Variants in DNAH17 observed in about 807,000 individuals in gnomAD.
DNAH17 encodes the protein dynein axonemal heavy chain 17.
In DNAH17, 376 loss-of-function variants were observed where a neutral mutation model predicts 485.6. That is an observed-to-expected ratio of 0.77 (90% confidence interval 0.71 to 0.84). DNAH17 has a LOEUF of 0.84. DNAH17 is among the 40% of genes least tolerant of loss of function. The pLI is 0.00. For synonymous variants in DNAH17, 3,031 were observed against 2,405.9 expected (o/e 1.26, Z -7.60); for missense variants, 6,370 against 5,839.3 (o/e 1.09, Z -2.96).
rs1305824074 is a variant in DNAH17, at chr17:78,494,665, T to A, written c.6198A>T (p.Val2066=). 1.1e-5 allele frequency: 18 copies of A among 1,613,824 alleles called. No individual in the cohort carries two copies. The highest frequency in any genetic ancestry group is 1.5e-5 in the Non-Finnish European group (18 of 1,179,898). ...IPKIVTDDLP[V]FMGLIGDLFP... ...AGAGGTCCCCGATCAGTCCCATGAA[T>A]ACGGGCAGGTCGTCTGTCACAATCT... The change falls in exon 40 of 81, where the codon GTA becomes GTT. Residue 2066 remains valine, a synonymous_variant. Coordinates refer to ENST00000389840, the MANE Select transcript of DNAH17 (RefSeq NM_173628.4).
chr17:78,447,371 G>A (rs570761046), intron 69 of DNAH17, among the ~76,000 whole-genome samples: 6 of 152,142 alleles, frequency 3.9e-5, no homozygotes, highest in Non-Finnish European at 8.8e-5. Context: ...CCATCTTGTC[G>A]CTTGTGCATG....
intron 56 of DNAH17, among the ~76,000 whole-genome samples, chr17:78,463,341 C>T (rs2088238006): frequency 1.3e-5 from 2 of 152,370 alleles, no homozygotes; most frequent in Admixed American, 6.5e-5. Flanking sequence ...CATACATGCA[C>T]ACACATGCAT....
Position 78,507,672 on chromosome 17 carries a change from T to C in DNAH17, c.4370A>G (p.Gln1457Arg), listed in dbSNP as rs1310986156. The C allele has an allele frequency of 6.2e-7, 1 of 1,613,392 alleles. No homozygotes were observed. The highest frequency in any genetic ancestry group is 1.1e-5 in the South Asian group (1 of 91,064). ...CAGGTACTTGGACATCATCAGGTTC[T>C]GCAGCTGCACCTGGTTGTCCTCCAG... The part of the protein sequence containing the change: ...ETLEDNQVQL[Q>R]NLMMSKYLAH... The change falls in exon 28 of 81, where the codon CAG becomes CGG. Residue 1457 changes from glutamine to arginine, a missense_variant. Transcript: ENST00000389840.
In DNAH17 at chr17:78,502,869, C is replaced by A. The variant is rs766440432; in HGVS notation, c.5082+17G>T. The A allele has an allele frequency of 3.1e-6, 5 of 1,610,010 alleles. No individual in the cohort carries two copies. The African/African-American group carries it at 6.7e-5, about 22-fold the overall frequency. ...TCTCAGCCACGAGGCGCCGCCGAGC[C>A]CCCACCCGCCTCAGACCTGGGCTGG... On this transcript the variant is annotated intron_variant, in intron 32 of 80. Coordinates refer to ENST00000389840, the MANE Select transcript of DNAH17 (RefSeq NM_173628.4).
intron 69 of DNAH17, among the ~76,000 whole-genome samples, chr17:78,446,802 C>A (rs1371530198): frequency 1.3e-5 from 2 of 152,146 alleles, no homozygotes; most frequent in Non-Finnish European, 2.9e-5. Flanking sequence ...TGCCACCATG[C>A]CCGGCTAATT....
Position 78,423,751 on chromosome 17 carries a change from C to CT in DNAH17, c.*154dup. On this transcript the variant is annotated 3_prime_UTR_variant, in exon 81 of 81. Coordinates refer to ENST00000389840, the MANE Select transcript of DNAH17 (RefSeq NM_173628.4). ...CACCTCTTCCACACCAACCTCCACC[C>CT]TCTGGTTCCGATGTGCTTGGTTACA... is the stretch of plus-strand genomic sequence containing the variant. 1.0e-6 allele frequency: 1 copy of CT among 990,838 alleles called. No homozygotes were observed. Among genetic ancestry groups the CT allele is most frequent in the Non-Finnish European group, 1.5e-6 (1 of 669,048 alleles). 61.4% of individuals were successfully genotyped at this position (990,838 alleles called of 1,614,324 possible).
intron 44 of DNAH17, among the ~76,000 whole-genome samples, chr17:78,488,702 T>G (rs1376751268): frequency 6.6e-6 from 1 of 152,126 alleles, no homozygotes; most frequent in Non-Finnish European, 1.5e-5. Context: ...GAAAGGGCAT[T>G]AGCAGATGTC....
chr17:78,565,045 A>G (rs1240112009), intron 11 of DNAH17, among the ~76,000 whole-genome samples: 3 of 152,192 alleles, frequency 2.0e-5, no homozygotes, highest in Admixed American at 1.3e-4. Context: ...GCTTCCAGCT[A>G]GAATCTTGAA....
chr17:78,452,371 C>A (rs901478044), intron 65 of DNAH17, among the ~76,000 whole-genome samples: 1 of 152,142 alleles, frequency 6.6e-6, no homozygotes, highest in South Asian at 2.1e-4. Flanking sequence ...CCCGGCCACA[C>A]GTGGAAAATG....
rs1390034574 is a variant in DNAH17, at chr17:78,524,992, G to A, written c.3864+17C>T. 3.1e-6 allele frequency: 5 copies of A among 1,594,336 alleles called. No homozygotes were observed. The Admixed American group carries it at 5.1e-5, about 16-fold the overall frequency. On this transcript the variant is annotated intron_variant, in intron 25 of 80. Transcript: ENST00000389840. ...CAGAATCCCGGGCCCCACCCACGCG[G>A]CGTGCCCTGCACTCACCACAACAAC...
chr17:78,470,199 G>A (rs938980558), intron 54 of DNAH17, among the ~76,000 whole-genome samples: 4 of 147,400 alleles, frequency 2.7e-5, no homozygotes, highest in African/African-American at 1.0e-4. Context: ...TCAGCCTCCT[G>A]AGAGATTACA....
chr17:78,465,291 T>G (rs589355), intron 56 of DNAH17, among the ~76,000 whole-genome samples: 102,173 of 150,768 alleles, frequency 0.68, 36,789 homozygotes, highest in East Asian at 0.89. Context: ...AACCTCCACC[T>G]CCCAGCTGCC....
At chr17:78,539,636 T>C (rs2091467738) in intron 18 of DNAH17, 101 bp downstream of exon 18, 11 of 1,060,208 alleles carry the variant, frequency 1.0e-5, no homozygotes, top group Non-Finnish European at 1.3e-5. Flanking sequence ...AATAAGTCTA[T>C]TTATAAAATG....
At chr17:78,537,628 C>G (rs2091413693) in intron 18 of DNAH17, 147 bp from the exon 19 acceptor site, 2 of 994,778 alleles carry the variant, frequency 2.0e-6, no homozygotes, top group African/African-American at 3.2e-5. Flanking sequence ...TCTCAGCGCA[C>G]CCCGCTCCTT....
chr17:78,530,366 G>A lies in DNAH17; in HGVS notation c.3261C>T (p.His1087=). 1.2e-6 allele frequency: 2 copies of A among 1,611,644 alleles called. No homozygotes were observed. The highest frequency in any genetic ancestry group is 1.7e-6 in the Non-Finnish European group (2 of 1,178,232). Residue 1087 remains histidine (H), a synonymous_variant, in exon 21 of 81, where the codon CAC becomes CAT. Coordinates refer to ENST00000389840, the MANE Select transcript of DNAH17 (RefSeq NM_173628.4). ...ACCTGTTGGTGACGTGGTTGCTCAGGTGCCGCTTGAACATGAAGCCCCAGC... is the reference window on the plus strand; with the variant it reads ...ACCTGTTGGTGACGTGGTTGCTCAGATGCCGCTTGAACATGAAGCCCCAGC... ...IRRWGFMFKR[H]LSNHVTNSLA...
chr17:78,530,889 CCT>C (rs1279121511), intron 20 of DNAH17, among the ~76,000 whole-genome samples: 4 of 152,218 alleles, frequency 2.6e-5, no homozygotes, highest in African/African-American at 9.6e-5. Flanking sequence ...CTGCCCCAAC[CCT>C]GTGCTACAGA....
At chr17:78,494,551 G>T in intron 40 of DNAH17, 42 bp downstream of exon 40, 1 of 1,588,382 alleles carries the variant, frequency 6.3e-7, no homozygotes, top group Non-Finnish European at 8.6e-7. Flanking sequence ...GCCCCAGCCA[G>T]GCAGGCTTCT....
At chr17:78,439,668 T>TTG in intron 72 of DNAH17, among the ~76,000 whole-genome samples, 1 of 134,848 alleles carries the variant, frequency 7.4e-6, no homozygotes, top group South Asian at 2.5e-4. Context: ...TACTTCACTT[T>TTG]TTTTTTTTTT....
intron 14 of DNAH17, among the ~76,000 whole-genome samples, chr17:78,557,632 G>A (rs188568480): frequency 1.7e-3 from 98 of 56,572 alleles, no homozygotes; most frequent in African/African-American, 8.7e-3. Flanking sequence ...GAGTGAGACT[G>A]TCTCAAAAAA....
Sources: allele counts gnomAD v4.1 joint callset (sites outside exome capture counted in the v4.1 genomes callset), GRCh38; gene constraint gnomAD v4.1.1; transcripts MANE v1.5; gene names NCBI Gene and HGNC (gene_info 2026-07-23, HGNC 2026-07-21).